LIN28B: variants seen among roughly 807,000 people sequenced by gnomAD.
The protein encoded by LIN28B is lin-28 RNA binding posttranscriptional regulator B.
Under a neutral mutation model 21.9 loss-of-function variants are expected in LIN28B, and 5 were observed. The observed-to-expected ratio is 0.23, with a 90% confidence interval of 0.12 to 0.48. LIN28B has a LOEUF of 0.48. Ranked by LOEUF, LIN28B falls within the 20% of genes least tolerant of loss-of-function variation. LIN28B has a pLI of 0.98. For missense variants in LIN28B, 245 were observed against 310.5 expected, an observed-to-expected ratio of 0.79 and a Z score of 1.58; for synonymous variants, 109 against 111.3, an observed-to-expected ratio of 0.98 and a Z score of 0.13.
rs937170965 is a variant in LIN28B at position 105,018,930 on chromosome 6, G to C, written c.199-7368G>C. 2.0e-5 allele frequency among the ~76,000 whole-genome samples: 3 copies of C among 151,642 alleles called. No homozygotes were observed. The East Asian group carries it at 5.8e-4, about 29-fold the overall frequency. Reference sequence around the variant, plus strand: ...TTTCTTTTGTTCTCTCATTTATCTTGGTCTTTCTTTTCTTTTCTTTTCTTT... The same window carrying C: ...TTTCTTTTGTTCTCTCATTTATCTTCGTCTTTCTTTTCTTTTCTTTTCTTT... On this transcript the variant is annotated intron_variant, in intron 2 of 3. Transcript: ENST00000345080.
chr6:104,955,450 C>T (rs1778273464), upstream of LIN28B, among the ~76,000 whole-genome samples: 1 of 151,880 alleles, frequency 6.6e-6, no homozygotes, highest in Admixed American at 6.6e-5. Context: ...GATTAGTTTT[C>T]ATTAAACCTT....
At chr6:105,022,029 A>T (rs957706223) in intron 2 of LIN28B, among the ~76,000 whole-genome samples, 2 of 152,128 alleles carry the variant, frequency 1.3e-5, no homozygotes, top group Non-Finnish European at 2.9e-5. Flanking sequence ...TGGAAAATGT[A>T]AGTAAGGTAA....
chr6:105,034,017 A>G (rs1265105336), intron 3 of LIN28B, among the ~76,000 whole-genome samples: 2 of 151,826 alleles, frequency 1.3e-5, no homozygotes, highest in Non-Finnish European at 2.9e-5. Flanking sequence ...AATCTTTTTT[A>G]TATATAGTTT....
chr6:105,063,486 A>G (rs1481694016), intron 3 of LIN28B, among the ~76,000 whole-genome samples: 1 of 152,072 alleles, frequency 6.6e-6, no homozygotes, highest in Non-Finnish European at 1.5e-5. Context: ...AAATACAAAA[A>G]TTAGCTGGGC....
At chr6:105,026,235 T>C in intron 2 of LIN28B, 63 bp from the exon 3 acceptor site, 1 of 857,498 alleles carries the variant, frequency 1.2e-6, no homozygotes, top group Non-Finnish European at 1.7e-6. Context: ...ATAGAGATAA[T>C]TTATAAAGCA....
Position 105,025,513 on chromosome 6 carries a change from G to T in LIN28B, c.199-785G>T, listed in dbSNP as rs913112018. Among the ~76,000 whole-genome samples, 4 of 152,078 alleles carry T rather than the reference G, an allele frequency of 2.6e-5. No individual in the cohort carries two copies. In the East Asian group the frequency reaches 5.8e-4, roughly 22 times the overall value. On this transcript the variant is annotated intron_variant, in intron 2 of 3. Coordinates refer to ENST00000345080, the MANE Select transcript of LIN28B (RefSeq NM_001004317.4). ...TCAAATTATAAAAAGCTCAAACGAC[G>T]CAGTAATGTATATACCAGAAAACTT...
chr6:105,018,117 C>T (rs1276085718), intron 2 of LIN28B, among the ~76,000 whole-genome samples: 1 of 151,548 alleles, frequency 6.6e-6, no homozygotes, highest in Non-Finnish European at 1.5e-5. Context: ...GAGACTCCGT[C>T]TCTACAAAAA....
intron 2 of LIN28B, among the ~76,000 whole-genome samples, chr6:104,972,341 G>A (rs1264976447): frequency 6.6e-6 from 1 of 151,700 alleles, no homozygotes; most frequent in Non-Finnish European, 1.5e-5. Flanking sequence ...TGGTTTTTTT[G>A]TGTGACCCAG....
chr6:105,002,332 A>G (rs954476400), intron 2 of LIN28B, among the ~76,000 whole-genome samples: 1 of 152,154 alleles, frequency 6.6e-6, no homozygotes, highest in African/African-American at 2.4e-5. Context: ...TTAAAATAAT[A>G]TGATATCTCA....
At chr6:104,959,637 G>C (rs760206859) in intron 2 of LIN28B, among the ~76,000 whole-genome samples, 6 of 152,134 alleles carry the variant, frequency 3.9e-5, no homozygotes, top group Non-Finnish European at 8.8e-5. Flanking sequence ...CAGGGTTTAA[G>C]TACACAAATA....
intron 3 of LIN28B, among the ~76,000 whole-genome samples, chr6:105,041,449 C>T (rs948409801): frequency 7.2e-5 from 11 of 151,938 alleles, no homozygotes; most frequent in Admixed American, 2.6e-4. Context: ...TTTATAGGTA[C>T]TATGGATTTC....
At chr6:105,038,783 A>G (rs1351037770) in intron 3 of LIN28B, among the ~76,000 whole-genome samples, 2 of 152,248 alleles carry the variant, frequency 1.3e-5, no homozygotes, top group Non-Finnish European at 2.9e-5. Context: ...ACAAAGCCTG[A>G]CAGAAATGAA....
intron 3 of LIN28B, among the ~76,000 whole-genome samples, chr6:105,053,535 A>G (rs979335647): frequency 2.6e-5 from 4 of 152,144 alleles, no homozygotes; most frequent in African/African-American, 9.7e-5. Context: ...AACCACATTA[A>G]CAGCAGATTC....
chr6:104,973,822 C>G (rs972917988), intron 2 of LIN28B, among the ~76,000 whole-genome samples: 1 of 152,106 alleles, frequency 6.6e-6, no homozygotes, highest in African/African-American at 2.4e-5. Flanking sequence ...TCTGTCTTTA[C>G]TTAGGTTTGG....
chr6:105,059,141 C>A (rs1416950705), intron 3 of LIN28B, among the ~76,000 whole-genome samples: 1 of 151,978 alleles, frequency 6.6e-6, no homozygotes, highest in Admixed American at 6.6e-5. Flanking sequence ...TATTTTAATA[C>A]CTCATCTTGT....
At chr6:105,041,879 C>T (rs1330159649) in intron 3 of LIN28B, among the ~76,000 whole-genome samples, 1 of 152,056 alleles carries the variant, frequency 6.6e-6, no homozygotes, top group African/African-American at 2.4e-5. Flanking sequence ...TTTGAGATCC[C>T]TTGGCCTGGC....
intron 3 of LIN28B, among the ~76,000 whole-genome samples, chr6:105,060,189 C>T (rs544706275): frequency 6.6e-6 from 1 of 152,172 alleles, no homozygotes; most frequent in Non-Finnish European, 1.5e-5. Context: ...AGGCGTGAGC[C>T]ACCGTGCCCA....
intron 2 of LIN28B, among the ~76,000 whole-genome samples, chr6:105,012,742 A>G (rs968677610): frequency 5.9e-5 from 9 of 152,224 alleles, no homozygotes; most frequent in African/African-American, 2.2e-4. Context: ...CACTGTTTTC[A>G]GTTTTGGGCT....
intron 3 of LIN28B, among the ~76,000 whole-genome samples, chr6:105,047,951 A>G (rs989011043): frequency 1.5e-4 from 23 of 152,336 alleles, no homozygotes; most frequent in African/African-American, 4.8e-4. Flanking sequence ...ATATACAATC[A>G]TGTCATCTGC....
Sources: gnomAD v4.1 joint callset for allele counts (sites outside exome capture counted in the v4.1 genomes callset) on GRCh38, gnomAD v4.1.1 for gene constraint, MANE v1.5 for transcripts, NCBI Gene and HGNC (gene_info 2026-07-23, HGNC 2026-07-21) for gene names.